The following CDH13 variants were observed in gnomAD, a reference collection of about 807,000 sequenced individuals.
CDH13 encodes cadherin 13.
In CDH13, 24 loss-of-function variants were observed where a neutral mutation model predicts 63.8. The observed-to-expected ratio is 0.38, with a 90% CI of 0.27 to 0.53. CDH13 has a LOEUF of 0.53. Ranked by LOEUF, CDH13 falls within the 20% of genes least tolerant of loss-of-function variation. The pLI is 0.85. For synonymous variants in CDH13, 503 were observed against 355.3 expected, an observed-to-expected ratio of 1.42 and a Z score of -4.67; for missense variants, 1,049 against 903.1, an observed-to-expected ratio of 1.16 and a Z score of -2.07.
intron 5 of CDH13, among the ~76,000 whole-genome samples, chr16:83,289,639 C>T (rs1204872277): frequency 1.3e-5 from 2 of 152,120 alleles, no homozygotes; most frequent in Non-Finnish European, 1.5e-5. Context: ...AGGGCACATT[C>T]ACCCCAACAG....
At chr16:83,585,779 C>G (rs558739791) in intron 7 of CDH13, among the ~76,000 whole-genome samples, 2 of 152,016 alleles carry the variant, frequency 1.3e-5, no homozygotes, top group African/African-American at 4.8e-5. Flanking sequence ...ATACAGGGCT[C>G]GTGGAAAGAG....
intron 7 of CDH13, among the ~76,000 whole-genome samples, chr16:83,507,954 A>T (rs2074441585): frequency 1.3e-5 from 2 of 150,730 alleles, no homozygotes; most frequent in Non-Finnish European, 3.0e-5. Context: ...GTCGCTTGAA[A>T]CCGGGAGGCA....
chr16:83,572,724 G>A (rs1416521833), intron 7 of CDH13, among the ~76,000 whole-genome samples: 1 of 152,198 alleles, frequency 6.6e-6, no homozygotes, highest in African/African-American at 2.4e-5. Flanking sequence ...CATGGCATTC[G>A]TGATTTAGAA....
intron 13 of CDH13, among the ~76,000 whole-genome samples, chr16:83,790,697 C>T (rs1916203198): frequency 6.6e-6 from 1 of 152,208 alleles, no homozygotes; most frequent in African/African-American, 2.4e-5. Flanking sequence ...GCCACCATGC[C>T]TGGCCCGGTT....
intron 3 of CDH13, among the ~76,000 whole-genome samples, chr16:83,033,207 C>A (rs553738524): frequency 6.6e-6 from 1 of 152,114 alleles, no homozygotes; most frequent in Non-Finnish European, 1.5e-5. Context: ...ACTCATGCTC[C>A]TCCTGTTGTT....
chr16:83,703,695 T>A (rs181650639), intron 10 of CDH13, among the ~76,000 whole-genome samples: 6 of 152,334 alleles, frequency 3.9e-5, no homozygotes, highest in Admixed American at 3.9e-4. Flanking sequence ...TACATTACTT[T>A]TATAAACAGA....
rs187169696 is a variant in CDH13, at chr16:82,767,983, T to C, written c.46-90379T>C. Among the ~76,000 whole-genome samples the C allele has an allele frequency of 4.5e-3, 680 of 152,072 alleles. 6 individuals are homozygous for C. Among genetic ancestry groups the C allele is most frequent in the Middle Eastern group, 0.014 (4 of 294 alleles). ...AAGAGAAACGAAGAGTGAGGAGTGA[T>C]GGGGAAAGAGCCAAGGGGACCATCC... On this transcript the variant is annotated intron_variant, in intron 1 of 13. Coordinates refer to ENST00000567109, the MANE Select transcript of CDH13 (RefSeq NM_001257.5).
At chr16:83,336,178 G>A (rs113889470) in intron 5 of CDH13, among the ~76,000 whole-genome samples, 2,495 of 151,892 alleles carry the variant, frequency 0.016, 30 homozygotes, top group African/African-American at 0.037. Context: ...GTACATATCT[G>A]TAATCGCAGC....
At chr16:83,756,862 T>C (rs2549657) in intron 11 of CDH13, among the ~76,000 whole-genome samples, 43,624 of 152,102 alleles carry the variant, frequency 0.29, 7,121 homozygotes, top group Admixed American at 0.44. Context: ...ACATCTCTCA[T>C]ATCAGCTTCA....
At chr16:83,145,150 G>C (rs2036696692) in intron 4 of CDH13, among the ~76,000 whole-genome samples, 1 of 152,186 alleles carries the variant, frequency 6.6e-6, no homozygotes, top group African/African-American at 2.4e-5. Context: ...CCCAAAGCCA[G>C]AGGACATCCA....
At chr16:83,615,740 T>C (rs757778355) in intron 8 of CDH13, among the ~76,000 whole-genome samples, 3 of 152,218 alleles carry the variant, frequency 2.0e-5, no homozygotes, top group Non-Finnish European at 4.4e-5. Flanking sequence ...CCATCACTCA[T>C]GATTACATCA....
intron 2 of CDH13, chr16:82,953,758 C>G (rs1200952936): frequency 6.6e-6 from 1 of 152,100 alleles, no homozygotes; most frequent in African/African-American, 2.4e-5. Context: ...TGGCATGTCT[C>G]ACATATGTAG....
chr16:82,794,463 G>T (rs2036482424), intron 1 of CDH13, among the ~76,000 whole-genome samples: 1 of 151,258 alleles, frequency 6.6e-6, no homozygotes, highest in East Asian at 1.9e-4. Context: ...GGGTGGAGTA[G>T]AGAATCATTT....
chr16:82,813,726 C>G (rs2037563272), intron 1 of CDH13, among the ~76,000 whole-genome samples: 1 of 152,150 alleles, frequency 6.6e-6, no homozygotes, highest in South Asian at 2.1e-4. Context: ...CTGAAAGAAA[C>G]TAAAACCAAA....
intron 6 of CDH13, among the ~76,000 whole-genome samples, chr16:83,377,170 A>C (rs2091475111): frequency 6.6e-6 from 1 of 152,226 alleles, no homozygotes; most frequent in South Asian, 2.1e-4. Flanking sequence ...TAAAAGTGAC[A>C]AAATGTTTAG....
At chr16:83,286,789 T>C (rs1324879901) in intron 5 of CDH13, among the ~76,000 whole-genome samples, 1 of 149,764 alleles carries the variant, frequency 6.7e-6, no homozygotes, top group Non-Finnish European at 1.5e-5. Flanking sequence ...TATATTTATA[T>C]ATATATACAC....
At chr16:83,379,576 A>T (rs1356535643) in intron 6 of CDH13, among the ~76,000 whole-genome samples, 1 of 152,140 alleles carries the variant, frequency 6.6e-6, no homozygotes, top group Non-Finnish European at 1.5e-5. Flanking sequence ...GCACAACTTG[A>T]TCATGAGAAG....
chr16:83,300,372 G>C (rs747805359), intron 5 of CDH13, among the ~76,000 whole-genome samples: 15 of 152,190 alleles, frequency 9.9e-5, no homozygotes, highest in Non-Finnish European at 2.1e-4. Flanking sequence ...TCTTTATATA[G>C]AGCTTTGCAG....
intron 10 of CDH13, among the ~76,000 whole-genome samples, chr16:83,720,616 G>A (rs1429504059): frequency 6.6e-6 from 1 of 152,066 alleles, no homozygotes; most frequent in East Asian, 1.9e-4. Context: ...GCCCAGAAAT[G>A]AAACAGCCAA....
Sources: gnomAD v4.1 joint callset for allele counts (sites outside exome capture counted in the v4.1 genomes callset) on GRCh38, gnomAD v4.1.1 for gene constraint, MANE v1.5 for transcripts, NCBI Gene and HGNC (gene_info 2026-07-23, HGNC 2026-07-21) for gene names.